TENM4: variants seen among roughly 807,000 people sequenced by gnomAD.
TENM4 encodes teneurin-4.
A neutral mutation model predicts 243.3 loss-of-function variants in TENM4; 82 were observed. The observed-to-expected ratio is 0.34, with a 90% CI of 0.28 to 0.40. The LOEUF (loss-of-function observed/expected upper bound fraction) is 0.40, where lower values mean the gene tolerates loss of function less well. Among genes scored for constraint, TENM4 ranks in the 10% least tolerant of loss-of-function variants. TENM4 has a pLI of 1.00. For missense variants in TENM4, 3,138 were observed against 3,673.3 expected, an observed-to-expected ratio of 0.85 and a Z score of 3.77; for synonymous variants, 1,412 against 1,456.3, an observed-to-expected ratio of 0.97 and a Z score of 0.69.
At chr11:79,036,927 C>T (rs1295229430) in intron 6 of TENM4, among the ~76,000 whole-genome samples, 2 of 141,084 alleles carry the variant, frequency 1.4e-5, no homozygotes, top group African/African-American at 2.6e-5. Flanking sequence ...AGGAGAATGG[C>T]GTGAACCTGG....
At chr11:79,049,372 C>G (rs950387893) in intron 6 of TENM4, among the ~76,000 whole-genome samples, 1 of 152,234 alleles carries the variant, frequency 6.6e-6, no homozygotes, top group Non-Finnish European at 1.5e-5. Flanking sequence ...TATAATCACT[C>G]TCTAAGAGTT....
At chr11:78,958,344 A>C (rs1857250500) in intron 6 of TENM4, among the ~76,000 whole-genome samples, 1 of 152,218 alleles carries the variant, frequency 6.6e-6, no homozygotes, top group Non-Finnish European at 1.5e-5. Flanking sequence ...GAAACATTTA[A>C]TATTTATTCT....
rs561857693 is a variant in TENM4, at chr11:79,406,687, G to A, written c.-321+33822C>T. 4.7e-4 allele frequency among the ~76,000 whole-genome samples: 72 copies of A among 152,226 alleles called. No individual in the cohort carries two copies. In the South Asian group the frequency reaches 5.0e-3, roughly 11 times the overall value. Reference sequence around the variant, plus strand: ...GAATAAAAGAACCCAAGAGTTAAGCGTCAGGCCTTTGTCACATCTAAGCCT... The same window carrying A: ...GAATAAAAGAACCCAAGAGTTAAGCATCAGGCCTTTGTCACATCTAAGCCT... On this transcript the variant is annotated intron_variant, in intron 1 of 33. Transcript: ENST00000278550.
At chr11:79,016,095 G>A (rs764265694) in intron 6 of TENM4, among the ~76,000 whole-genome samples, 74 of 152,150 alleles carry the variant, frequency 4.9e-4, no homozygotes, top group Non-Finnish European at 9.3e-4. Context: ...CCAGACAAGG[G>A]AGTATTGTAG....
intron 1 of TENM4, among the ~76,000 whole-genome samples, chr11:79,371,079 A>T (rs1342406832): frequency 6.6e-6 from 1 of 152,206 alleles, no homozygotes; most frequent in Non-Finnish European, 1.5e-5. Context: ...GAAAGGATAA[A>T]ACAAAAACAA....
chr11:79,168,984 A>C (rs1342900158), intron 3 of TENM4, among the ~76,000 whole-genome samples: 2 of 152,184 alleles, frequency 1.3e-5, no homozygotes, highest in Non-Finnish European at 2.9e-5. Context: ...CTCAGATAAC[A>C]ATCAGCCTTC....
rs770397552 is a variant in TENM4, at chr11:78,732,556, G to A, written c.2898C>T (p.Gly966=). The A allele has an allele frequency of 1.1e-5, 17 of 1,604,368 alleles. No individual in the cohort carries two copies. The highest frequency in any genetic ancestry group is 5.4e-5 in the African/African-American group (4 of 74,760). Residue 966 remains glycine, a synonymous_variant, in exon 21 of 34, where the codon GGC becomes GGT. Transcript: ENST00000278550. ...QDGSFDLVTN[G]GISIILRFER... Reference sequence around the variant, plus strand: ...CGAACCGCAGGATGATGGAGATGCCGCCATTTGTCACCAAGTCAAAGCTGT... The same window carrying A: ...CGAACCGCAGGATGATGGAGATGCCACCATTTGTCACCAAGTCAAAGCTGT...
At chr11:79,217,378 T>C (rs1864073193) in intron 2 of TENM4, among the ~76,000 whole-genome samples, 1 of 152,126 alleles carries the variant, frequency 6.6e-6, no homozygotes, top group African/African-American at 2.4e-5. Context: ...GGCTAAAGAA[T>C]AAGGCATGAA....
At position 78,960,683 on chromosome 11, in the gene TENM4, G is replaced by A. The variant is rs80195774; in HGVS notation, c.494-57160C>T. ...GTCCTGTAAGTGCCTCCTTTAGGAG[G>A]CATTTCCTAATTCTCTTAGGCAGAG... On this transcript the variant is annotated intron_variant, in intron 6 of 33. Transcript: ENST00000278550. Among the ~76,000 whole-genome samples, 1,132 of 152,270 alleles carry A rather than the reference G, an allele frequency of 7.4e-3. 11 individuals carry two copies. Among genetic ancestry groups the A allele is most frequent in the African/African-American group, 0.026 (1,085 of 41,544 alleles).
At chr11:78,839,192 CA>C (rs1396407109) in intron 12 of TENM4, among the ~76,000 whole-genome samples, 1 of 152,164 alleles carries the variant, frequency 6.6e-6, no homozygotes, top group South Asian at 2.1e-4. Flanking sequence ...GCCATGCAAT[CA>C]AATCTCTTCA....
intron 2 of TENM4, among the ~76,000 whole-genome samples, chr11:79,254,046 C>T (rs1434918023): frequency 1.3e-5 from 2 of 152,134 alleles, no homozygotes; most frequent in Admixed American, 6.5e-5. Flanking sequence ...AGTGTTTACC[C>T]ACAGGAAAGG....
rs1237318536 is a variant in TENM4 at position 78,825,974 on chromosome 11, A to T, written c.1682-11579T>A. On this transcript the variant is annotated intron_variant, in intron 12 of 33. Coordinates refer to ENST00000278550, the MANE Select transcript of TENM4 (RefSeq NM_001098816.3). ...CAGGAAAAGAAACAGGTTCTGAGGAAGTGGGGTGTGGGGAGCTGCTAATTA... is the reference window on the plus strand; with the variant it reads ...CAGGAAAAGAAACAGGTTCTGAGGATGTGGGGTGTGGGGAGCTGCTAATTA... 2.6e-5 allele frequency among the ~76,000 whole-genome samples: 4 copies of T among 151,824 alleles called. No individual in the cohort carries two copies. The East Asian group carries it at 5.8e-4, about 22-fold the overall frequency.
chr11:79,150,103 C>T (rs764988815), intron 3 of TENM4, among the ~76,000 whole-genome samples: 8 of 152,114 alleles, frequency 5.3e-5, no homozygotes, highest in East Asian at 1.9e-4. Flanking sequence ...CCCTCTGACT[C>T]GCCTCTGCCC....
chr11:79,058,160 T>G (rs1859987684), intron 6 of TENM4, among the ~76,000 whole-genome samples: 1 of 152,208 alleles, frequency 6.6e-6, no homozygotes, highest in South Asian at 2.1e-4. Flanking sequence ...TGGATATAGC[T>G]AGAAGCATCT....
At chr11:78,685,621 T>C (rs771656332) in intron 29 of TENM4, among the ~76,000 whole-genome samples, 5 of 152,230 alleles carry the variant, frequency 3.3e-5, no homozygotes, top group Non-Finnish European at 7.3e-5. Context: ...TGTGGCACTT[T>C]CAAATTTTAA....
chr11:78,876,285 G>A (rs1241345555), intron 9 of TENM4, among the ~76,000 whole-genome samples: 1 of 152,202 alleles, frequency 6.6e-6, no homozygotes, highest in Non-Finnish European at 1.5e-5. Context: ...AAGGGGAAAG[G>A]CAGCCAGTGT....
intron 1 of TENM4, among the ~76,000 whole-genome samples, chr11:79,326,486 C>T (rs1194726402): frequency 1.3e-5 from 2 of 152,184 alleles, no homozygotes; most frequent in Admixed American, 6.5e-5. Flanking sequence ...CTCCCCCTCG[C>T]CTAAAGACCC....
intron 4 of TENM4, among the ~76,000 whole-genome samples, chr11:79,107,927 C>T (rs1249557318): frequency 6.6e-6 from 1 of 152,184 alleles, no homozygotes; most frequent in Non-Finnish European, 1.5e-5. Flanking sequence ...GGATCTGAAG[C>T]CAGGTTCCCA....
intron 19 of TENM4, among the ~76,000 whole-genome samples, chr11:78,751,601 G>T (rs139365929): frequency 6.6e-6 from 1 of 152,260 alleles, no homozygotes; most frequent in African/African-American, 2.4e-5. Flanking sequence ...TGGTTCGTCA[G>T]AACCTCTTCC....
Sources: allele counts gnomAD v4.1 joint callset (sites outside exome capture counted in the v4.1 genomes callset), GRCh38; gene constraint gnomAD v4.1.1; transcripts MANE v1.5; gene names NCBI Gene and HGNC (gene_info 2026-07-23, HGNC 2026-07-21).